TF: variants seen among roughly 807,000 people sequenced by gnomAD.
TF encodes the protein transferrin.
In TF, 55 loss-of-function variants were observed where a neutral mutation model predicts 82.4. The observed-to-expected ratio is 0.67, with a 90% confidence interval of 0.54 to 0.84. The LOEUF is 0.84. Ranked by LOEUF, TF falls within the 40% of genes least tolerant of loss-of-function variation. TF has a pLI of 0.00. For synonymous variants in TF, 332 were observed against 332.6 expected, an observed-to-expected ratio of 1.00 and a Z score of 0.02; for missense variants, 737 against 868.4, an observed-to-expected ratio of 0.85 and a Z score of 1.90.
the TF span, among the ~76,000 whole-genome samples, chr3:133,729,722 G>T: frequency 6.6e-6 from 1 of 152,138 alleles, no homozygotes; most frequent in African/African-American, 2.4e-5. Context: ...ACCTCAGATG[G>T]AAATGCAGAA....
chr3:133,770,467 G>C (rs759368443), intron 13 of TF, 41 bp from the exon 14 acceptor site: 72 of 1,606,580 alleles, frequency 4.5e-5, no homozygotes, highest in Non-Finnish European at 1.1e-5. Flanking sequence ...AAGTCACTCT[G>C]ACCGCCTTTT....
At chr3:133,692,021 CTT>C in the TF span, among the ~76,000 whole-genome samples, 3 of 152,218 alleles carry the variant, frequency 2.0e-5, no homozygotes, top group Non-Finnish European at 4.4e-5. Context: ...CGACTGCAAA[CTT>C]TGCACATTTT....
upstream of TF, chr3:133,746,345 C>G (rs1933496264): frequency 1.4e-6 from 2 of 1,448,516 alleles, no homozygotes; most frequent in Middle Eastern, 1.7e-4. Context: ...GCGCCCAGCC[C>G]GCCCAGGCCG....
the TF span, among the ~76,000 whole-genome samples, chr3:133,737,684 C>T: frequency 6.6e-6 from 1 of 152,132 alleles, no homozygotes; most frequent in African/African-American, 2.4e-5. Flanking sequence ...ACTATAAACA[C>T]CTCTATGAAA....
chr3:133,738,872 A>G, the TF span, among the ~76,000 whole-genome samples: 1 of 152,252 alleles, frequency 6.6e-6, no homozygotes, highest in East Asian at 1.9e-4. Context: ...CAATATTGTT[A>G]AAATGGCCAT....
At chr3:133,685,931 T>C in the TF span, among the ~76,000 whole-genome samples, 2 of 152,212 alleles carry the variant, frequency 1.3e-5, no homozygotes, top group African/African-American at 4.8e-5. Flanking sequence ...GGCATCACGC[T>C]ACCTGACTTC....
At chr3:133,741,045 G>A (rs1933379083), upstream of TF, among the ~76,000 whole-genome samples, 1 of 132,738 alleles carries the variant, frequency 7.5e-6, no homozygotes. Context: ...AGGCTGGAGT[G>A]TAGTGGCACA....
At chr3:133,759,094 A>G in intron 8 of TF, 81 bp from the exon 9 acceptor site, 1 of 1,570,492 alleles carries the variant, frequency 6.4e-7, no homozygotes, top group Non-Finnish European at 8.7e-7. Flanking sequence ...CAGCATTTGC[A>G]TGAAGACAGT....
At chr3:133,670,662 A>C in the TF span, among the ~76,000 whole-genome samples, 2 of 152,162 alleles carry the variant, frequency 1.3e-5, no homozygotes, top group Non-Finnish European at 1.5e-5. Context: ...CCCACTTTTG[A>C]GACATTTGTG....
chr3:133,768,784 ATTTTTT>A (rs5852766), intron 13 of TF, among the ~76,000 whole-genome samples: 2 of 82,164 alleles, frequency 2.4e-5, no homozygotes, highest in African/African-American at 5.1e-5. Context: ...GTACCTTGCT[ATTTTTT>A]TTTTTTTTTT....
the TF span, among the ~76,000 whole-genome samples, chr3:133,704,514 A>C: frequency 1.3e-5 from 2 of 152,230 alleles, no homozygotes; most frequent in Non-Finnish European, 2.9e-5. Context: ...TCAGGCAGAA[A>C]GAGATCAAAA....
chr3:133,680,642 C>T, the TF span, among the ~76,000 whole-genome samples: 1 of 151,886 alleles, frequency 6.6e-6, no homozygotes, highest in African/African-American at 2.4e-5. Flanking sequence ...AATTCTACTC[C>T]CTTGGTTGTG....
chr3:133,706,893 G>A, the TF span, among the ~76,000 whole-genome samples: 2 of 152,162 alleles, frequency 1.3e-5, no homozygotes, highest in African/African-American at 2.4e-5. Context: ...CCGGGGATAT[G>A]CTGTACCTCA....
the TF span, among the ~76,000 whole-genome samples, chr3:133,725,725 G>C: frequency 1.3e-5 from 2 of 152,020 alleles, no homozygotes; most frequent in Non-Finnish European, 1.5e-5. Context: ...GGGCATCCCT[G>C]TCTTGTGCCA....
At position 133,787,607 on chromosome 3, in the gene TF, G is replaced by A. The variant is rs927436993; in HGVS notation, c.*8987G>A. On this transcript the variant is annotated 3_prime_UTR_variant, in exon 17 of 17. Coordinates refer to ENST00000402696, the MANE Select transcript of TF (RefSeq NM_001063.4). ...ATGGGAAATACTGTGTTTGCAAGTG[G>A]GATTGTTAAATCACCTCTGTGAACA... 1 of 152,258 alleles carries A rather than the reference G, an allele frequency of 6.6e-6. No homozygotes were observed. Among genetic ancestry groups the A allele is most frequent in the South Asian group, 2.1e-4 (1 of 4,810 alleles). The allele number at this position is 152,258 out of a possible 1,614,324, so 9.4% of individuals were successfully genotyped here. A position where few individuals can be genotyped will look rare whatever the true frequency, so the allele number is the denominator to read the frequency against.
chr3:133,686,971 T>C, the TF span, among the ~76,000 whole-genome samples: 1 of 152,212 alleles, frequency 6.6e-6, no homozygotes, highest in South Asian at 2.1e-4. Context: ...ATAGACTGGA[T>C]TAAGAAAATG....
the TF span, among the ~76,000 whole-genome samples, chr3:133,736,513 A>G: frequency 6.6e-6 from 1 of 151,980 alleles, no homozygotes; most frequent in African/African-American, 2.4e-5. Context: ...AGACTGGCAA[A>G]TTGGATAGAG....
the TF span, among the ~76,000 whole-genome samples, chr3:133,706,385 T>G: frequency 1.6e-3 from 236 of 152,256 alleles, no homozygotes; most frequent in Non-Finnish European, 2.6e-3. Context: ...GGAGGCAAGT[T>G]CCTCCGTTTT....
At chr3:133,730,734 A>AACACACACACAAGCATGCAT in the TF span, among the ~76,000 whole-genome samples, 1 of 152,184 alleles carries the variant, frequency 6.6e-6, no homozygotes, top group African/African-American at 2.4e-5. Context: ...TCATTCTAGT[A>AACACACACACAAGCATGCAT]ACACACACAC....
Sources: allele counts gnomAD v4.1 joint callset (sites outside exome capture counted in the v4.1 genomes callset), GRCh38; gene constraint gnomAD v4.1.1; transcripts MANE v1.5; gene names NCBI Gene and HGNC (gene_info 2026-07-23, HGNC 2026-07-21).